MCC: variants seen among roughly 807,000 people sequenced by gnomAD.
MCC encodes the protein colorectal mutant cancer protein.
MCC carries 90 observed loss-of-function variants against 116.2 expected under a neutral mutation model. That is an observed-to-expected ratio of 0.77 (90% CI 0.65 to 0.92). The LOEUF (loss-of-function observed/expected upper bound fraction) is 0.92. Ranked by LOEUF, MCC falls within the 40% of genes least tolerant of loss-of-function variation. The pLI, the probability that MCC is intolerant of heterozygous loss-of-function variation, is 0.00. For missense variants in MCC, 1,516 were observed against 1,312.2 expected (o/e 1.16, Z -2.40); for synonymous variants, 578 against 510.5 (o/e 1.13, Z -1.78).
At chr5:113,109,306 A>AATACAATG (rs1454049180) in intron 6 of MCC, among the ~76,000 whole-genome samples, 1 of 152,224 alleles carries the variant, frequency 6.6e-6, no homozygotes, top group African/African-American at 2.4e-5. Context: ...GTGGTCTCTG[A>AATACAATG]ATACAATGTA....
chr5:113,478,627 T>C (rs1034296348), intron 1 of MCC, among the ~76,000 whole-genome samples: 1 of 152,174 alleles, frequency 6.6e-6, no homozygotes, highest in Non-Finnish European at 1.5e-5. Context: ...ATGCAGTTAC[T>C]GCATATAGCT....
At chr5:113,104,919 C>G (rs1756643546) in intron 6 of MCC, among the ~76,000 whole-genome samples, 1 of 152,176 alleles carries the variant, frequency 6.6e-6, no homozygotes, top group East Asian at 1.9e-4. Context: ...ATAAACTGTT[C>G]TAACAAATTC....
intron 6 of MCC, among the ~76,000 whole-genome samples, chr5:113,105,377 C>T (rs73237117): frequency 0.05 from 7,545 of 152,294 alleles, 385 homozygotes; most frequent in African/African-American, 0.13. Context: ...CTTGGCACAA[C>T]AGGAACAGGA....
At chr5:113,144,696 A>G (rs1002704716) in intron 4 of MCC, among the ~76,000 whole-genome samples, 2 of 152,254 alleles carry the variant, frequency 1.3e-5, no homozygotes, top group East Asian at 3.8e-4. Flanking sequence ...CTGCACCTCA[A>G]CAACAGCTGG....
At chr5:113,125,920 T>C (rs1287405830) in intron 5 of MCC, among the ~76,000 whole-genome samples, 4 of 152,176 alleles carry the variant, frequency 2.6e-5, no homozygotes, top group Admixed American at 6.5e-5. Context: ...TTGCTGGTGA[T>C]GAAGAAGAGG....
intron 2 of MCC, 23 bp downstream of exon 2, chr5:113,384,945 A>G (rs2150393481): frequency 6.2e-7 from 1 of 1,613,090 alleles, no homozygotes; most frequent in East Asian, 2.2e-5. Context: ...AGTGCCATAA[A>G]ACTGCCACCT....
At chr5:113,408,738 G>A (rs1288300534) in intron 1 of MCC, among the ~76,000 whole-genome samples, 1 of 152,182 alleles carries the variant, frequency 6.6e-6, no homozygotes, top group African/African-American at 2.4e-5. Flanking sequence ...AAATCATCAA[G>A]GTGGTTTTAT....
intron 2 of MCC, among the ~76,000 whole-genome samples, chr5:113,364,264 G>GGA (rs527790039): frequency 9.8e-6 from 1 of 101,946 alleles, no homozygotes; most frequent in Non-Finnish European, 1.9e-5. Flanking sequence ...AAAAAAACCA[G>GGA]AAAAAAAAAA....
intron 17 of MCC, among the ~76,000 whole-genome samples, chr5:113,036,533 G>C (rs923939785): frequency 6.6e-6 from 1 of 152,232 alleles, no homozygotes; most frequent in Non-Finnish European, 1.5e-5. Context: ...AGTGTCCCCA[G>C]ATAATGAGGT....
chr5:113,104,875 C>A (rs1160910283), intron 6 of MCC, among the ~76,000 whole-genome samples: 3 of 152,332 alleles, frequency 2.0e-5, no homozygotes, highest in Middle Eastern at 3.4e-3. Context: ...TCCACTGTTG[C>A]AATTTAATCC....
At chr5:113,106,722 G>C (rs1289493682) in intron 6 of MCC, among the ~76,000 whole-genome samples, 2 of 152,062 alleles carry the variant, frequency 1.3e-5, no homozygotes, top group Non-Finnish European at 2.9e-5. Context: ...ACCACAATCA[G>C]CTCATATTTT....
intron 3 of MCC, among the ~76,000 whole-genome samples, chr5:113,252,437 G>A (rs186106785): frequency 2.0e-5 from 3 of 152,214 alleles, no homozygotes; most frequent in Admixed American, 2.0e-4. Flanking sequence ...AGCACGTGAG[G>A]GATCTAGGTT....
intron 3 of MCC, among the ~76,000 whole-genome samples, chr5:113,291,794 A>G (rs1250731596): frequency 6.6e-6 from 1 of 152,246 alleles, no homozygotes; most frequent in Non-Finnish European, 1.5e-5. Context: ...TAGAAACACC[A>G]AAGATCTAAT....
chr5:113,125,477 GT>G (rs1757992394), intron 5 of MCC, among the ~76,000 whole-genome samples: 2 of 152,154 alleles, frequency 1.3e-5, no homozygotes, highest in Non-Finnish European at 2.9e-5. Context: ...CATGCACCCT[GT>G]TGTGTCTCCC....
At chr5:113,148,557 G>T (rs1759662291) in intron 4 of MCC, among the ~76,000 whole-genome samples, 1 of 152,136 alleles carries the variant, frequency 6.6e-6, no homozygotes, top group African/African-American at 2.4e-5. Flanking sequence ...AAACTTAATA[G>T]AGCCACACAG....
intron 5 of MCC, among the ~76,000 whole-genome samples, chr5:113,133,727 A>G (rs1758616527): frequency 6.6e-6 from 1 of 152,106 alleles, no homozygotes; most frequent in African/African-American, 2.4e-5. Context: ...AGTTGTAGTA[A>G]TTTACATTTC....
chr5:113,327,545 C>CAA lies in MCC; in HGVS notation c.627+12972_627+12973dup, dbSNP rs1189402090. ...TGGGTGACAGAGTAAGACTCAGTCTCAAAAAAAAAAAAAAAAATATATATA... is the reference window on the plus strand; with the variant it reads ...TGGGTGACAGAGTAAGACTCAGTCTCAAAAAAAAAAAAAAAAAAATATATATA... On this transcript the variant is annotated intron_variant, in intron 3 of 18. Coordinates refer to ENST00000408903, the MANE Select transcript of MCC (RefSeq NM_001085377.2). Among the ~76,000 whole-genome samples the CAA allele has an allele frequency of 7.6e-3, 434 of 57,154 alleles. 8 individuals carry two copies. The highest frequency in any genetic ancestry group is 0.012 in the Middle Eastern group (1 of 84). The allele number at this position is 57,154 out of a possible 152,430, so 37.5% of individuals were successfully genotyped here. A position where few individuals can be genotyped will look rare whatever the true frequency, so the allele number is the denominator to read the frequency against.
At chr5:113,200,664 A>G (rs1762634617) in intron 3 of MCC, among the ~76,000 whole-genome samples, 1 of 152,224 alleles carries the variant, frequency 6.6e-6, no homozygotes, top group Admixed American at 6.5e-5. Context: ...GTCGGATACA[A>G]CTTAAGTTAA....
rs138343289 is a variant in MCC, at chr5:113,463,552, G to A, written c.170+24693C>T. Among the ~76,000 whole-genome samples the A allele has an allele frequency of 3.0e-3, 461 of 152,290 alleles. 3 individuals are homozygous for A. Among genetic ancestry groups the A allele is most frequent in the Non-Finnish European group, 5.2e-3 (355 of 68,030 alleles). ...CTTTCCAAGTTTGTTCTGGCTTCCC[G>A]TAAGTGGGTGTACATGGTCACATTC... On this transcript the variant is annotated intron_variant, in intron 1 of 18. Transcript: ENST00000408903.
Sources: gnomAD v4.1 joint callset for allele counts (sites outside exome capture counted in the v4.1 genomes callset) on GRCh38, gnomAD v4.1.1 for gene constraint, MANE v1.5 for transcripts, NCBI Gene and HGNC (gene_info 2026-07-23, HGNC 2026-07-21) for gene names.